HDAC4: variants seen among roughly 807,000 people sequenced by gnomAD.
The protein encoded by HDAC4 is histone deacetylase A.
A neutral mutation model predicts 135.1 loss-of-function variants in HDAC4; 16 were observed. The observed-to-expected ratio is 0.12, with a 90% CI of 0.08 to 0.18. HDAC4 has a LOEUF of 0.18. Among genes scored for constraint, HDAC4 ranks in the 10% least tolerant of loss-of-function variants. HDAC4 has a pLI of 1.00. For synonymous variants in HDAC4, 685 were observed against 653.4 expected, an observed-to-expected ratio of 1.05 and a Z score of -0.74; for missense variants, 1,143 against 1,511.8, an observed-to-expected ratio of 0.76 and a Z score of 4.05.
At chr2:239,238,446 C>T (rs947566475) in intron 2 of HDAC4, among the ~76,000 whole-genome samples, 19 of 152,120 alleles carry the variant, frequency 1.2e-4, no homozygotes, top group African/African-American at 4.6e-4. Flanking sequence ...TTGGGGGGAC[C>T]ACCCTGGTCA....
rs1401709776 is a variant in HDAC4 at position 239,290,263 on chromosome 2, G to C, written c.23-53599C>G. The stretch of plus-strand genomic sequence containing the variant: ...TCTTACCTAGTTCCCTGTCAGCTGA[G>C]CTAATTCCTTAACTATAAAGAAACA... On this transcript the variant is annotated intron_variant, in intron 2 of 26. Transcript: ENST00000543185. Among the ~76,000 whole-genome samples, 3 of 152,126 alleles carry C rather than the reference G, an allele frequency of 2.0e-5. No individual in the cohort carries two copies. The East Asian group carries it at 5.8e-4, about 29-fold the overall frequency.
chr2:239,273,913 C>A lies in HDAC4; in HGVS notation c.23-37249G>T, dbSNP rs184013515. 2.8e-4 allele frequency among the ~76,000 whole-genome samples: 43 copies of A among 152,292 alleles called. 1 individual carries two copies. The highest frequency in any genetic ancestry group is 3.4e-3 in the Middle Eastern group (1 of 294). On this transcript the variant is annotated intron_variant, in intron 2 of 26. Coordinates refer to ENST00000543185, the MANE Select transcript of HDAC4 (RefSeq NM_001378414.1). Reference sequence around the variant, plus strand: ...AAAAGAGACTGAAAACTTTTTGAGACAATGGGGATTTTAAATGACTGATTA... The same window carrying A: ...AAAAGAGACTGAAAACTTTTTGAGAAAATGGGGATTTTAAATGACTGATTA...
chr2:239,379,713 G>A (rs1695278689), intron 1 of HDAC4, among the ~76,000 whole-genome samples: 1 of 152,194 alleles, frequency 6.6e-6, no homozygotes, highest in South Asian at 2.1e-4. Flanking sequence ...CCCCAGGGTG[G>A]GGTAAGCGCC....
In HDAC4 at chr2:239,051,548, T is replaced by C. The variant is rs146303968; in HGVS notation, c.*1549A>G. The stretch of plus-strand genomic sequence containing the variant: ...ACAATGCTTATTCAGGATCTTTTTG[T>C]GAAAAAATTCATACAAAAATCAACA... On this transcript the variant is annotated 3_prime_UTR_variant, in exon 27 of 27. Coordinates refer to ENST00000543185, the MANE Select transcript of HDAC4 (RefSeq NM_001378414.1). 1.6e-3 allele frequency: 249 copies of C among 152,736 alleles called. 2 individuals are homozygous for C. The highest frequency in any genetic ancestry group is 5.7e-3 in the African/African-American group (239 of 41,588). The allele number at this position is 152,736 out of a possible 1,614,324, so 9.5% of individuals were successfully genotyped here.
intron 3 of HDAC4, among the ~76,000 whole-genome samples, chr2:239,210,647 G>A (rs994721950): frequency 2.6e-5 from 4 of 152,156 alleles, no homozygotes; most frequent in South Asian, 2.1e-4. Context: ...AAAGTGACTC[G>A]CTTGTGACAC....
Position 239,083,629 on chromosome 2 carries a change from A to G in HDAC4, c.2532+526T>C, listed in dbSNP as rs907868431. ...ATTAATTTCCGGTATAAGAATGAGT[A>G]TACCTATTCGTGGAATTCAGATTCG... On this transcript the variant is annotated intron_variant, in intron 20 of 26. Coordinates refer to ENST00000543185, the MANE Select transcript of HDAC4 (RefSeq NM_001378414.1). 7.9e-5 allele frequency among the ~76,000 whole-genome samples: 12 copies of G among 152,254 alleles called. No individual in the cohort carries two copies. In the East Asian group the frequency reaches 2.3e-3, roughly 29 times the overall value.
At chr2:239,326,263 C>A (rs79732331) in intron 2 of HDAC4, among the ~76,000 whole-genome samples, 1 of 152,124 alleles carries the variant, frequency 6.6e-6, no homozygotes, top group African/African-American at 2.4e-5. Context: ...AAAGAAGCCA[C>A]GCACAAAAGG....
intron 2 of HDAC4, among the ~76,000 whole-genome samples, chr2:239,296,240 C>T (rs190880460): frequency 1.8e-3 from 278 of 152,380 alleles, no homozygotes; most frequent in Non-Finnish European, 3.1e-3. Flanking sequence ...CAGGTATGCA[C>T]ACATGCACGC....
At chr2:239,282,624 C>T (rs548574166) in intron 2 of HDAC4, among the ~76,000 whole-genome samples, 9 of 146,904 alleles carry the variant, frequency 6.1e-5, no homozygotes, top group South Asian at 2.2e-4. Flanking sequence ...ACACACCACT[C>T]GACAATGTAC....
intron 12 of HDAC4, among the ~76,000 whole-genome samples, chr2:239,121,602 C>T (rs3791443): frequency 0.47 from 70,996 of 152,168 alleles, 17,533 homozygotes; most frequent in South Asian, 0.69. Context: ...CTCCCTTTCA[C>T]GAGGATGAAG....
intron 12 of HDAC4, among the ~76,000 whole-genome samples, chr2:239,116,138 C>T (rs575514106): frequency 2.4e-4 from 37 of 152,296 alleles, no homozygotes; most frequent in African/African-American, 4.3e-4. Context: ...CCTGCTCCTC[C>T]GTCTTGGTTT....
At chr2:239,129,158 G>C (rs1199425904) in intron 11 of HDAC4, among the ~76,000 whole-genome samples, 1 of 152,106 alleles carries the variant, frequency 6.6e-6, no homozygotes, top group East Asian at 1.9e-4. Flanking sequence ...CGCCCACTCA[G>C]AATTTCACTC....
chr2:239,210,182 G>A (rs529573422), intron 3 of HDAC4, among the ~76,000 whole-genome samples: 105 of 152,178 alleles, frequency 6.9e-4, no homozygotes, highest in African/African-American at 2.5e-3. Context: ...ACTACAAACC[G>A]CCCAAATATC....
At chr2:239,375,951 G>A (rs2126030585) in intron 1 of HDAC4, among the ~76,000 whole-genome samples, 1 of 152,358 alleles carries the variant, frequency 6.6e-6, no homozygotes, top group South Asian at 2.1e-4. Context: ...ACCACGTCAT[G>A]TCCTGTCCAC....
Position 239,051,106 on chromosome 2 carries a change from T to C in HDAC4, c.*1991A>G, listed in dbSNP as rs916666194. Reference sequence around the variant, plus strand: ...AAACATGAGTTTCATTAATGCTGACTGCCCCCGGCATCTGGCAAGCCTCCC... The same window carrying C: ...AAACATGAGTTTCATTAATGCTGACCGCCCCCGGCATCTGGCAAGCCTCCC... On this transcript the variant is annotated 3_prime_UTR_variant, in exon 27 of 27. Coordinates refer to ENST00000543185, the MANE Select transcript of HDAC4 (RefSeq NM_001378414.1). 2 of 152,672 alleles carry C rather than the reference T, an allele frequency of 1.3e-5. No individual in the cohort carries two copies. The highest frequency in any genetic ancestry group is 2.9e-5 in the Non-Finnish European group (2 of 68,048). The allele number at this position is 152,672 out of a possible 1,614,324, so 9.5% of individuals were successfully genotyped here. A position where few individuals can be genotyped will look rare whatever the true frequency, so the allele number is the denominator to read the frequency against.
chr2:239,076,680 GC>G (rs1208915960), intron 22 of HDAC4, among the ~76,000 whole-genome samples: 1 of 152,164 alleles, frequency 6.6e-6, no homozygotes, highest in Non-Finnish European at 1.5e-5. Context: ...CTGCCGTTCT[GC>G]CCCAATAAAT....
At chr2:239,248,851 G>A (rs2048618170) in intron 2 of HDAC4, among the ~76,000 whole-genome samples, 1 of 152,146 alleles carries the variant, frequency 6.6e-6, no homozygotes, top group Admixed American at 6.5e-5. Flanking sequence ...ACTCATTCAA[G>A]CCTCAAGGTC....
At chr2:239,183,388 G>A (rs944232682) in intron 4 of HDAC4, among the ~76,000 whole-genome samples, 7 of 152,310 alleles carry the variant, frequency 4.6e-5, no homozygotes, top group South Asian at 4.1e-4. Flanking sequence ...CAGATGCCGC[G>A]CCCGCATAAA....
intron 4 of HDAC4, among the ~76,000 whole-genome samples, chr2:239,189,622 C>T (rs929783645): frequency 1.8e-4 from 27 of 152,344 alleles, no homozygotes; most frequent in East Asian, 5.8e-4. Flanking sequence ...TTTGGACCGC[C>T]GTTCCCACTC....
Sources: gnomAD v4.1 joint callset for allele counts (sites outside exome capture counted in the v4.1 genomes callset) on GRCh38, gnomAD v4.1.1 for gene constraint, MANE v1.5 for transcripts, NCBI Gene and HGNC (gene_info 2026-07-23, HGNC 2026-07-21) for gene names.